THSD4: variants seen among roughly 807,000 people sequenced by gnomAD.
The protein encoded by THSD4 is thrombospondin type-1 domain-containing protein 4.
THSD4 carries 69 observed loss-of-function variants against 119.0 expected under a neutral mutation model. That is an observed-to-expected ratio of 0.58 (90% CI 0.48 to 0.71). The LOEUF (loss-of-function observed/expected upper bound fraction) is 0.71. Ranked by LOEUF, THSD4 falls within the 30% of genes least tolerant of loss-of-function variation. THSD4 has a pLI of 0.00. For synonymous variants in THSD4, 524 were observed against 540.4 expected, an observed-to-expected ratio of 0.97 and a Z score of 0.42; for missense variants, 1,393 against 1,391.1, an observed-to-expected ratio of 1.00 and a Z score of -0.02.
chr15:71,696,242 T>C (rs1418456215), intron 8 of THSD4, among the ~76,000 whole-genome samples: 1 of 152,210 alleles, frequency 6.6e-6, no homozygotes, highest in Non-Finnish European at 1.5e-5. Flanking sequence ...GTGAGGGCTT[T>C]CGTGCTATGT....
chr15:71,266,212 C>T (rs72759659), intron 6 of THSD4, among the ~76,000 whole-genome samples: 5,427 of 152,228 alleles, frequency 0.036, 152 homozygotes, highest in South Asian at 0.12. Flanking sequence ...AGGAGAGCGC[C>T]GGCTGGCATC....
chr15:71,533,057 T>TCTTCGGG (rs796903179), intron 7 of THSD4, among the ~76,000 whole-genome samples: 21 of 152,318 alleles, frequency 1.4e-4, no homozygotes, highest in African/African-American at 5.1e-4. Flanking sequence ...AGCAATTGAG[T>TCTTCGGG]CTTCCCTGGG....
At chr15:71,654,325 A>C (rs1332701734) in intron 7 of THSD4, among the ~76,000 whole-genome samples, 2 of 152,200 alleles carry the variant, frequency 1.3e-5, no homozygotes, top group Admixed American at 6.5e-5. Context: ...AACTATATCG[A>C]AGGTCAGTTT....
chr15:71,591,341 G>T (rs1469778325), intron 7 of THSD4, among the ~76,000 whole-genome samples: 1 of 152,174 alleles, frequency 6.6e-6, no homozygotes, highest in Non-Finnish European at 1.5e-5. Context: ...TTTGGTCTAA[G>T]CTCAAGTGTC....
intron 7 of THSD4, among the ~76,000 whole-genome samples, chr15:71,595,025 T>C (rs1000217705): frequency 1.3e-5 from 2 of 152,134 alleles, no homozygotes; most frequent in Admixed American, 1.3e-4. Context: ...AGTGGTGATA[T>C]GGTATAAACA....
upstream of THSD4, chr15:71,112,105 C>G (rs1415325255): frequency 6.2e-7 from 1 of 1,613,108 alleles, no homozygotes; most frequent in East Asian, 2.2e-5. Context: ...AGGTTGCTCT[C>G]AGCAGTGAGC....
At chr15:71,224,271 C>T (rs1389142044) in intron 4 of THSD4, among the ~76,000 whole-genome samples, 1 of 152,140 alleles carries the variant, frequency 6.6e-6, no homozygotes, top group Non-Finnish European at 1.5e-5. Flanking sequence ...GGGAAGTCCA[C>T]AGGCTCCTTT....
chr15:71,314,554 G>C (rs970214610), intron 6 of THSD4, among the ~76,000 whole-genome samples: 1 of 152,192 alleles, frequency 6.6e-6, no homozygotes, highest in Non-Finnish European at 1.5e-5. Flanking sequence ...TGGTCCATCT[G>C]TCTCGGCCTC....
At chr15:71,773,157 C>T (rs975104193) in intron 17 of THSD4, among the ~76,000 whole-genome samples, 1 of 140,968 alleles carries the variant, frequency 7.1e-6, no homozygotes, top group African/African-American at 2.8e-5. Context: ...GGTGCAATCG[C>T]ACCACTGCAC....
intron 7 of THSD4, among the ~76,000 whole-genome samples, chr15:71,484,563 C>T (rs1178945033): frequency 1.3e-5 from 2 of 152,222 alleles, no homozygotes; most frequent in Non-Finnish European, 2.9e-5. Flanking sequence ...TCTTCCTCAT[C>T]ATCCTTTCAG....
At chr15:71,403,067 A>G (rs1423438792) in intron 6 of THSD4, among the ~76,000 whole-genome samples, 1 of 151,484 alleles carries the variant, frequency 6.6e-6, no homozygotes, top group Non-Finnish European at 1.5e-5. Flanking sequence ...CTCTCCTGGA[A>G]CTCTCTGACC....
intron 7 of THSD4, chr15:71,547,169 G>C (rs2048849006): frequency 7.7e-7 from 1 of 1,303,892 alleles, no homozygotes; most frequent in South Asian, 2.2e-5. Flanking sequence ...GCTCCCAGCT[G>C]GCTCCTGTCC....
At chr15:71,706,610 G>A (rs745786540) in intron 8 of THSD4, among the ~76,000 whole-genome samples, 2 of 152,180 alleles carry the variant, frequency 1.3e-5, no homozygotes, top group Non-Finnish European at 2.9e-5. Flanking sequence ...TCGGAGAGGA[G>A]AACCAGGAAC....
At chr15:71,667,268 T>A (rs1286240125) in intron 8 of THSD4, among the ~76,000 whole-genome samples, 1 of 152,238 alleles carries the variant, frequency 6.6e-6, no homozygotes, top group East Asian at 1.9e-4. Flanking sequence ...AAAAAAAAGT[T>A]TATTTAAATG....
chr15:71,630,541 T>C (rs1040150786), intron 7 of THSD4, among the ~76,000 whole-genome samples: 2 of 152,228 alleles, frequency 1.3e-5, no homozygotes, highest in Admixed American at 1.3e-4. Flanking sequence ...CAAAGCACAG[T>C]TCCCTTCTCT....
intron 7 of THSD4, among the ~76,000 whole-genome samples, chr15:71,626,731 A>T (rs1237686952): frequency 6.6e-6 from 1 of 152,120 alleles, no homozygotes; most frequent in East Asian, 1.9e-4. Flanking sequence ...TTAACATACC[A>T]CTGGATTTCA....
At chr15:71,310,661 G>A (rs1162701552) in intron 6 of THSD4, among the ~76,000 whole-genome samples, 2 of 152,138 alleles carry the variant, frequency 1.3e-5, no homozygotes, top group African/African-American at 2.4e-5. Flanking sequence ...TCTTATGACT[G>A]TCAAACAAGG....
intron 7 of THSD4, chr15:71,549,718 A>T (rs2048898189): frequency 6.6e-6 from 1 of 152,234 alleles, no homozygotes; most frequent in Non-Finnish European, 1.5e-5. Flanking sequence ...CATGAGGAGA[A>T]GGAAGAATGG....
At chr15:71,466,352 A>C (rs1298571317) in intron 7 of THSD4, among the ~76,000 whole-genome samples, 1 of 151,852 alleles carries the variant, frequency 6.6e-6, no homozygotes, top group East Asian at 1.9e-4. Flanking sequence ...CTCAAAAAAA[A>C]AAAAAAGGAA....
Sources: allele counts gnomAD v4.1 joint callset (sites outside exome capture counted in the v4.1 genomes callset), GRCh38; gene constraint gnomAD v4.1.1; transcripts MANE v1.5; gene names NCBI Gene and HGNC (gene_info 2026-07-23, HGNC 2026-07-21).